Variants in ATL1 observed in about 807,000 individuals in gnomAD.
The protein encoded by ATL1 is atlastin GTPase 1, also known as atlastin-1.
Under a neutral mutation model 75.5 loss-of-function variants are expected in ATL1, and 31 were observed. The observed-to-expected ratio is 0.41, with a 90% confidence interval of 0.31 to 0.55. The LOEUF (loss-of-function observed/expected upper bound fraction) is 0.55. Among genes scored for constraint, ATL1 ranks in the 20% least tolerant of loss-of-function variants. The pLI is 0.27. For synonymous variants in ATL1, 226 were observed against 233.3 expected (o/e 0.97, Z 0.28); for missense variants, 405 against 662.6 (o/e 0.61, Z 4.27).
intron 1 of ATL1, 171 bp downstream of exon 1, chr14:50,560,470 G>C: frequency 1.1e-6 from 1 of 869,774 alleles, no homozygotes; most frequent in Non-Finnish European, 1.8e-6. Context: ...ATGGCCGAGC[G>C]GTACCCGCGT....
At chr14:50,535,930 T>G (rs2038485897) in intron 1 of ATL1, among the ~76,000 whole-genome samples, 1 of 152,196 alleles carries the variant, frequency 6.6e-6, no homozygotes, top group Non-Finnish European at 1.5e-5. Flanking sequence ...AGTGAATAAC[T>G]CTCACGAGAC....
intron 1 of ATL1, among the ~76,000 whole-genome samples, chr14:50,581,892 A>G: frequency 6.6e-6 from 1 of 152,218 alleles, no homozygotes; most frequent in East Asian, 1.9e-4. Flanking sequence ...GGCAGTGAAA[A>G]GAAAATTCCT....
At position 50,574,931 on chromosome 14, in the gene ATL1, GTGTGTGTATATATA is replaced by G. The variant is rs1216883267; in HGVS notation, c.35-12898_35-12885del. On this transcript the variant is annotated intron_variant, in intron 1 of 13. Transcript: ENST00000358385. ...TGAGTGTGTGTGTGTGTGTGTGTGT[GTGTGTGTATATATA>G]TATATATATATATATATATATATAT... Among the ~76,000 whole-genome samples, 81 of 78,736 alleles carry G rather than the reference GTGTGTGTATATATA, an allele frequency of 1.0e-3. 2 individuals are homozygous for G. In the South Asian group the frequency reaches 0.023, roughly 22 times the overall value. The allele number at this position is 78,736 out of a possible 152,430, so 51.7% of individuals were successfully genotyped here.
intron 8 of ATL1, among the ~76,000 whole-genome samples, chr14:50,617,781 T>C (rs975252581): frequency 6.6e-6 from 1 of 152,238 alleles, no homozygotes; most frequent in African/African-American, 2.4e-5. Context: ...CCAAAGCTTA[T>C]TAATGCCCCT....
At chr14:50,602,605 T>C (rs1025982603) in intron 6 of ATL1, among the ~76,000 whole-genome samples, 2 of 152,102 alleles carry the variant, frequency 1.3e-5, no homozygotes, top group Non-Finnish European at 2.9e-5. Context: ...GGTCTGTTTC[T>C]AGTAGGCCGG....
chr14:50,610,740 A>C (rs1249970076), intron 6 of ATL1, among the ~76,000 whole-genome samples: 2 of 152,156 alleles, frequency 1.3e-5, no homozygotes, highest in African/African-American at 2.4e-5. Context: ...TGTGCCAAGC[A>C]CTGTACTAGG....
chr14:50,590,957 T>C lies in ATL1; in HGVS notation c.299T>C (p.Val100Ala), dbSNP rs2039150327. 6 of 1,613,866 alleles carry C rather than the reference T, an allele frequency of 3.7e-6. No homozygotes were observed. The highest frequency in any genetic ancestry group is 5.1e-6 in the Non-Finnish European group (6 of 1,179,882). ...YMYNQESVDW[V>A]GDYNEPLTGF... ...ATTTTATAGGAATCAGTTGATTGGG[T>C]TGGAGACTACAATGAACCATTGACT... The change falls in exon 3 of 14, where the codon GTT (valine) becomes GCT (alanine). Residue 100 changes from valine (V) to alanine (A), a missense_variant. Around this residue, in one of 5 missense-constraint regions of ATL1, gnomAD observed 126 missense variants for 172.0 expected, o/e 0.73. Transcript: ENST00000358385.
intron 1 of ATL1, among the ~76,000 whole-genome samples, chr14:50,565,726 G>T (rs2038897268): frequency 6.6e-6 from 1 of 152,048 alleles, no homozygotes; most frequent in South Asian, 2.1e-4. Flanking sequence ...AGAATCAGTG[G>T]CTACACTGTA....
At chr14:50,558,904 A>G (rs960781838), upstream of ATL1, among the ~76,000 whole-genome samples, 2 of 151,842 alleles carry the variant, frequency 1.3e-5, no homozygotes, top group Non-Finnish European at 1.5e-5. Context: ...ACTTGGTTAC[A>G]GTGTTCACGA....
chr14:50,579,779 C>T (rs1285532989), intron 1 of ATL1, among the ~76,000 whole-genome samples: 3 of 152,166 alleles, frequency 2.0e-5, no homozygotes, highest in Admixed American at 1.3e-4. Context: ...CCTGGCTCCA[C>T]ATTCAGTAAA....
intron 1 of ATL1, among the ~76,000 whole-genome samples, chr14:50,547,756 C>A (rs1049349654): frequency 6.6e-6 from 1 of 152,204 alleles, no homozygotes; most frequent in Non-Finnish European, 1.5e-5. Context: ...AGCAAGTAGT[C>A]CTTAAGCTGG....
In ATL1 at chr14:50,587,742, G is replaced by A. The variant is rs146369638; in HGVS notation, c.35-89G>A. ...GCATTTATAATTCCAGTATGCTCCT[G>A]TGTCGGATGTTTGAGAGTTAAGAGG... On this transcript the variant is annotated intron_variant, in intron 1 of 13. Coordinates refer to ENST00000358385, the MANE Select transcript of ATL1 (RefSeq NM_015915.5). 114 of 1,544,762 alleles carry A rather than the reference G, an allele frequency of 7.4e-5. 1 individual carries two copies. In the African/African-American group the frequency reaches 1.4e-3, roughly 18 times the overall value.
At chr14:50,558,097 C>T (rs1302210415), upstream of ATL1, among the ~76,000 whole-genome samples, 4 of 152,144 alleles carry the variant, frequency 2.6e-5, no homozygotes, top group African/African-American at 9.7e-5. Context: ...GGAATGCCAG[C>T]TACTTAATTT....
intron 5 of ATL1, 60 bp from the exon 6 acceptor site, chr14:50,595,516 A>G: frequency 6.8e-7 from 1 of 1,471,450 alleles, no homozygotes; most frequent in Non-Finnish European, 9.2e-7. Flanking sequence ...CAGGTGCTAA[A>G]GTTCTCTCTC....
intron 6 of ATL1, among the ~76,000 whole-genome samples, chr14:50,603,943 G>A (rs2201365): frequency 0.013 from 2,035 of 152,268 alleles, 11 homozygotes; most frequent in African/African-American, 0.023. Context: ...TAGGTCAGTG[G>A]TGTAGACTAG....
rs750050049 is a variant in ATL1, at chr14:50,588,107, C to A, written c.282+29C>A. 4 of 1,613,496 alleles carry A rather than the reference C, an allele frequency of 2.5e-6. No individual in the cohort carries two copies. The East Asian group carries it at 6.7e-5, about 27-fold the overall frequency. On this transcript the variant is annotated intron_variant, in intron 2 of 13. Transcript: ENST00000358385. ...TGCAGGAAGTACTTTAAAAAGTTTT[C>A]TTTCTTCTGTGCTTCTGTCACTTCA...
intron 6 of ATL1, among the ~76,000 whole-genome samples, chr14:50,606,337 A>T (rs1454116758): frequency 6.6e-6 from 1 of 151,980 alleles, no homozygotes; most frequent in East Asian, 1.9e-4. Context: ...TGATACAAAA[A>T]TTAGTGTTGT....
At chr14:50,546,935 C>G (rs1238949444) in intron 1 of ATL1, among the ~76,000 whole-genome samples, 2 of 151,942 alleles carry the variant, frequency 1.3e-5, no homozygotes, top group Non-Finnish European at 2.9e-5. Context: ...TTTGCTGCAC[C>G]CATATACCCG....
At chr14:50,574,929 GTGTGTGTGTA>G (rs1210242723) in intron 1 of ATL1, among the ~76,000 whole-genome samples, 39 of 93,450 alleles carry the variant, frequency 4.2e-4, no homozygotes, top group South Asian at 6.9e-4. Context: ...GTGTGTGTGT[GTGTGTGTGTA>G]TATATATATA....
Sources: allele counts gnomAD v4.1 joint callset (sites outside exome capture counted in the v4.1 genomes callset), GRCh38; gene constraint gnomAD v4.1.1; regional missense constraint gnomAD v4.1.1; transcripts MANE v1.5; gene names NCBI Gene and HGNC (gene_info 2026-07-23, HGNC 2026-07-21).